Variants in CTSB observed in about 807,000 individuals in gnomAD.
CTSB encodes the protein APP secretase.
Under a neutral mutation model 44.3 loss-of-function variants are expected in CTSB, and 57 were observed. The observed-to-expected ratio is 1.29, with a 90% CI of 1.04 to 1.60. The LOEUF is 1.60. Ranked by LOEUF, CTSB falls within the 40% of genes most tolerant of loss-of-function variation. The pLI is 0.00. For missense variants in CTSB, 768 were observed against 443.0 expected (o/e 1.73, Z -6.59); for synonymous variants, 320 against 168.0 (o/e 1.91, Z -7.00).
intron 1 of CTSB, among the ~76,000 whole-genome samples, chr8:11,855,986 C>T (rs972162594): frequency 1.3e-5 from 2 of 152,062 alleles, no homozygotes; most frequent in African/African-American, 4.8e-5. Flanking sequence ...CAAGATTTCA[C>T]CACTGCATTC....
chr8:11,849,469 C>T, intron 4 of CTSB: 1 of 208,194 alleles, frequency 4.8e-6, no homozygotes, highest in Non-Finnish European at 1.0e-5. Context: ...ACGATTTGCC[C>T]AACTCAGCTT....
At chr8:11,852,733 G>C (rs1413203211) in intron 2 of CTSB, 38 bp from the exon 3 acceptor site, 2 of 1,572,286 alleles carry the variant, frequency 1.3e-6, no homozygotes, top group Non-Finnish European at 1.7e-6. Flanking sequence ...GGGTCTCCCG[G>C]GATGGCGGTG....
rs1006709972 is a variant in CTSB, at chr8:11,843,560, G to C, written c.*1565C>G. ...AGTTCCTGACCAGCAATGCAAACCA[G>C]TGGCATACAAATTCAAAATACTGTA... is the stretch of plus-strand genomic sequence containing the variant. On this transcript the variant is annotated 3_prime_UTR_variant, in exon 10 of 10. Coordinates refer to ENST00000353047, the MANE Select transcript of CTSB (RefSeq NM_001908.5). 6.6e-6 allele frequency: 1 copy of C among 152,266 alleles called. No individual in the cohort carries two copies. Among genetic ancestry groups the C allele is most frequent in the Non-Finnish European group, 1.5e-5 (1 of 68,060 alleles). 9.4% of individuals were successfully genotyped at this position (152,266 alleles called of 1,614,324 possible).
intron 4 of CTSB, 21 bp downstream of exon 4, chr8:11,850,845 C>A (rs577477911): frequency 6.3e-7 from 1 of 1,578,664 alleles, no homozygotes; most frequent in South Asian, 1.1e-5. Flanking sequence ...AGCGCTTCCC[C>A]GCCAGCCAGC....
At chr8:11,861,818 C>A (rs531664975) in intron 1 of CTSB, among the ~76,000 whole-genome samples, 2 of 152,242 alleles carry the variant, frequency 1.3e-5, no homozygotes, top group South Asian at 4.1e-4. Context: ...TAGTGTTCTG[C>A]CTCTCCAGCT....
chr8:11,846,416 T>C (rs886616237), intron 8 of CTSB: 2 of 152,242 alleles, frequency 1.3e-5, no homozygotes, highest in East Asian at 3.8e-4. Flanking sequence ...TGTCAAACTG[T>C]TGTTTTACAA....
chr8:11,850,215 T>C (rs865858985), intron 4 of CTSB, among the ~76,000 whole-genome samples: 17 of 151,904 alleles, frequency 1.1e-4, no homozygotes, highest in African/African-American at 4.1e-4. Flanking sequence ...GGTGAGGCGT[T>C]TGAGACCAGG....
rs1340226580 is a variant in CTSB at position 11,847,877 on chromosome 8, TG to T, written c.533-56del. 7.1e-6 allele frequency: 10 copies of T among 1,404,910 alleles called. No individual in the cohort carries two copies. In the African/African-American group the frequency reaches 7.5e-5, roughly 11 times the overall value. 87.0% of individuals were successfully genotyped at this position (1,404,910 alleles called of 1,614,324 possible). A position where few individuals can be genotyped will look rare whatever the true frequency, so the allele number is the denominator to read the frequency against. ...ACCTACAGCCCCCACGGAGAAGACC[TG>T]GGGCAAGGCAAGCCTCGTGCCTGCA... is the stretch of plus-strand genomic sequence containing the variant. On this transcript the variant is annotated intron_variant, in intron 6 of 9. Coordinates refer to ENST00000353047, the MANE Select transcript of CTSB (RefSeq NM_001908.5).
intron 2 of CTSB, 122 bp from the exon 3 acceptor site, chr8:11,852,817 G>C (rs539446049): frequency 6.0e-6 from 5 of 833,326 alleles, no homozygotes; most frequent in African/African-American, 1.7e-5. Flanking sequence ...AGGGCCCAAG[G>C]GTTGGGGGGC....
chr8:11,847,349 G>A (rs973445388), intron 7 of CTSB, among the ~76,000 whole-genome samples, 181 bp from the exon 8 acceptor site: 2 of 152,150 alleles, frequency 1.3e-5, no homozygotes, highest in African/African-American at 4.8e-5. Flanking sequence ...GCTGGGGCTG[G>A]AAGCTCAGAA....
chr8:11,850,644 G>A (rs1029728548), intron 4 of CTSB: 15 of 413,034 alleles, frequency 3.6e-5, no homozygotes, highest in South Asian at 2.3e-4. Context: ...ACCTGTACAC[G>A]TGGACTTGCA....
intron 1 of CTSB, among the ~76,000 whole-genome samples, chr8:11,858,652 G>A (rs1255959042): frequency 1.3e-5 from 2 of 152,154 alleles, no homozygotes; most frequent in South Asian, 2.1e-4. Flanking sequence ...CCACTCTTGA[G>A]GGTCCCGAGA....
At chr8:11,847,958 C>T (rs1813757287) in intron 6 of CTSB, 109 bp downstream of exon 6, 3 of 1,330,716 alleles carry the variant, frequency 2.3e-6, no homozygotes, top group Admixed American at 2.0e-5. Flanking sequence ...TAGCACCTCT[C>T]AGCAGCCCCT....
chr8:11,848,148 T>C lies in CTSB; in HGVS notation c.451A>G (p.Asn151Asp). The C allele has an allele frequency of 6.2e-7, 1 of 1,613,966 alleles. No homozygotes were observed. ...CAAGCTTCAGCAGGATAGCCACCAT[T>C]ACAGCTGAAAAGACAGCCTCTAATG... ...CCGSMCGDGCNGGYPAEAWNF... is the reference protein window; with the variant it reads ...CCGSMCGDGCDGGYPAEAWNF... The change falls in exon 6 of 10, where the codon AAT becomes GAT. Residue 151 changes from asparagine to aspartate, a missense_variant. Asn to Asp is a conservative substitution (Grantham distance 23). Transcript: ENST00000353047.
chr8:11,856,228 C>A (rs1331767532), intron 1 of CTSB, among the ~76,000 whole-genome samples: 1 of 152,048 alleles, frequency 6.6e-6, no homozygotes, highest in Non-Finnish European at 1.5e-5. Flanking sequence ...ACCAGCAACG[C>A]CCACCAGTTT....
intron 8 of CTSB, 100 bp downstream of exon 8, chr8:11,846,952 G>T: frequency 1.4e-6 from 1 of 715,290 alleles, no homozygotes; most frequent in South Asian, 1.5e-5. Flanking sequence ...CCCCTCACCT[G>T]CCTGCCCAAT....
At position 11,844,074 on chromosome 8, in the gene CTSB, G is replaced by C. The variant is rs921925797; in HGVS notation, c.*1051C>G. ...AAAATAGAGCACAGCTATGTTTTGA[G>C]TTCTTAAGCAAGGGCAAGCTTACCA... On this transcript the variant is annotated 3_prime_UTR_variant, in exon 10 of 10. Coordinates refer to ENST00000353047, the MANE Select transcript of CTSB (RefSeq NM_001908.5). 6.6e-6 allele frequency: 1 copy of C among 152,190 alleles called. No homozygotes were observed. Among genetic ancestry groups the C allele is most frequent in the Non-Finnish European group, 1.5e-5 (1 of 68,038 alleles). 9.4% of individuals were successfully genotyped at this position (152,190 alleles called of 1,614,324 possible). A position where few individuals can be genotyped will look rare whatever the true frequency, so the allele number is the denominator to read the frequency against.
intron 1 of CTSB, among the ~76,000 whole-genome samples, chr8:11,860,732 C>T (rs1433870526): frequency 2.0e-5 from 3 of 152,198 alleles, no homozygotes; most frequent in South Asian, 2.1e-4. Flanking sequence ...GCTAAGAGCA[C>T]GGGAACAGTG....
chr8:11,856,798 C>A (rs529044302), intron 1 of CTSB, among the ~76,000 whole-genome samples: 6 of 151,354 alleles, frequency 4.0e-5, no homozygotes, highest in Non-Finnish European at 8.8e-5. Flanking sequence ...GGAAGATGCA[C>A]GGCAGTCGGT....
Sources: gnomAD v4.1 joint callset for allele counts (sites outside exome capture counted in the v4.1 genomes callset) on GRCh38, gnomAD v4.1.1 for gene constraint, MANE v1.5 for transcripts, NCBI Gene and HGNC (gene_info 2026-07-23, HGNC 2026-07-21) for gene names.